Variants in BANP observed in about 807,000 individuals in gnomAD.
BANP encodes the protein BTG3 associated nuclear protein, also known as protein BANP.
BANP carries 11 observed loss-of-function variants against 68.1 expected under a neutral mutation model. That is an observed-to-expected ratio of 0.16 (90% CI 0.10 to 0.27). BANP has a LOEUF of 0.27. BANP is among the 10% of genes least tolerant of loss of function. The probability of loss-of-function intolerance (pLI) is 1.00; values close to 1 mark genes in which losing one functional copy is unlikely to be tolerated. For missense variants in BANP, 504 were observed against 722.7 expected, an observed-to-expected ratio of 0.70 and a Z score of 3.47; for synonymous variants, 329 against 303.2, an observed-to-expected ratio of 1.09 and a Z score of -0.88.
chr16:88,023,171 G>T (rs1470830783), intron 7 of BANP, among the ~76,000 whole-genome samples: 1 of 152,114 alleles, frequency 6.6e-6, no homozygotes, highest in Admixed American at 6.5e-5. Flanking sequence ...AGAGCTGGGA[G>T]GAAGGTGTGG....
chr16:88,012,970 A>G (rs2152617527), intron 6 of BANP, among the ~76,000 whole-genome samples: 1 of 152,206 alleles, frequency 6.6e-6, no homozygotes, highest in African/African-American at 2.4e-5. Context: ...GAATATATAA[A>G]AAGTTGAGTA....
rs190059133 is a variant in BANP at position 88,065,711 on chromosome 16, G to A, written c.1377+379G>A. Among the ~76,000 whole-genome samples, 933 of 152,290 alleles carry A rather than the reference G, an allele frequency of 6.1e-3. 37 individuals carry two copies. Among genetic ancestry groups the A allele is most frequent in the Non-Finnish European group, 1.4e-3 (95 of 68,026 alleles). On this transcript the variant is annotated intron_variant, in intron 12 of 13. Coordinates refer to ENST00000682872, the MANE Select transcript of BANP (RefSeq NM_001386991.1). ...CCTCAGGCTGAACTGGTCAACCTAG[G>A]AGGGAGGAGAGCAGGGACCGGCTCT...
At chr16:87,986,140 G>T (rs1189148726) in intron 4 of BANP, among the ~76,000 whole-genome samples, 1 of 152,106 alleles carries the variant, frequency 6.6e-6, no homozygotes, top group Non-Finnish European at 1.5e-5. Flanking sequence ...TGTCCCACGG[G>T]ATCTCAAAGC....
At chr16:88,009,087 A>C (rs1027490271) in intron 6 of BANP, among the ~76,000 whole-genome samples, 1 of 152,222 alleles carries the variant, frequency 6.6e-6, no homozygotes, top group African/African-American at 2.4e-5. Context: ...TAGCCAATCC[A>C]TTAATGTCTC....
At chr16:87,954,720 G>A (rs570723447) in intron 1 of BANP, among the ~76,000 whole-genome samples, 1 of 152,338 alleles carries the variant, frequency 6.6e-6, no homozygotes, top group Admixed American at 6.5e-5. Flanking sequence ...CTGTGCCCCC[G>A]GTGCTTTCCC....
In BANP at chr16:88,036,144, C is replaced by A. The variant is rs1270966863; in HGVS notation, c.1272+750C>A. Reference sequence around the variant, plus strand: ...AGCACAGGCAGCAGCAGGCACAGGGCACTAAGCAGCACACACGTGTTGTAC... The same window carrying A: ...AGCACAGGCAGCAGCAGGCACAGGGAACTAAGCAGCACACACGTGTTGTAC... On this transcript the variant is annotated intron_variant, in intron 10 of 13. Transcript: ENST00000682872. The surrounding 1 kb of genome is among the most constrained non-coding windows in gnomAD (Gnocchi z 4.2). Among the ~76,000 whole-genome samples the A allele has an allele frequency of 6.6e-6, 1 of 152,246 alleles. No individual in the cohort carries two copies. Among genetic ancestry groups the A allele is most frequent in the African/African-American group, 2.4e-5 (1 of 41,464 alleles).
chr16:88,041,255 C>T lies in BANP; in HGVS notation c.1311+3244C>T, dbSNP rs369307624. 4.6e-5 allele frequency among the ~76,000 whole-genome samples: 7 copies of T among 152,332 alleles called. No homozygotes were observed. The East Asian group carries it at 9.6e-4, about 21-fold the overall frequency. On this transcript the variant is annotated intron_variant, in intron 11 of 13. Coordinates refer to ENST00000682872, the MANE Select transcript of BANP (RefSeq NM_001386991.1). ...AGTTCCACGGAGGGAGGGTTGTGCG[C>T]TGTGCTTGTGGATTGCTGCCGGGGC... is the stretch of plus-strand genomic sequence containing the variant.
chr16:87,995,111 G>A (rs1336782352), intron 4 of BANP, among the ~76,000 whole-genome samples: 1 of 152,232 alleles, frequency 6.6e-6, no homozygotes, highest in Non-Finnish European at 1.5e-5. Flanking sequence ...TCCTGGAAGT[G>A]ACACACGTCT....
intron 11 of BANP, among the ~76,000 whole-genome samples, chr16:88,059,248 G>T (rs114605509): frequency 6.8e-6 from 1 of 147,370 alleles, no homozygotes; most frequent in African/African-American, 2.6e-5. Flanking sequence ...GCAGGTGGGG[G>T]TGGGGTGGGG....
Position 88,035,350 on chromosome 16 carries a change from C to G in BANP, c.1228C>G (p.Gln410Glu), listed in dbSNP as rs1469940790. The stretch of plus-strand genomic sequence containing the variant: ...CCCACAGGGACACCTCCACATCGCC[C>G]AGGTGCCGCAGGGGGAGCAAGTCCA... Reference protein sequence around the residue: ...VIPQGHLHIAQVPQGEQVQIT... With the variant: ...VIPQGHLHIAEVPQGEQVQIT... Residue 410 changes from glutamine (Q) to glutamate (E), a missense_variant, in exon 10 of 14, where the codon CAG becomes GAG. By Grantham distance (29) the Gln-to-Glu change is conservative (BLOSUM62 2). This residue lies in a region of BANP where 223 missense variants were observed against 246.2 expected (regional missense o/e 0.91). Coordinates refer to ENST00000682872, the MANE Select transcript of BANP (RefSeq NM_001386991.1). 3.7e-6 allele frequency: 6 copies of G among 1,611,724 alleles called. No homozygotes were observed. Among genetic ancestry groups the G allele is most frequent in the Non-Finnish European group, 5.1e-6 (6 of 1,179,312 alleles).
intron 4 of BANP, among the ~76,000 whole-genome samples, chr16:87,990,645 T>C (rs1431870035): frequency 7.2e-5 from 11 of 152,366 alleles, no homozygotes; most frequent in Non-Finnish European, 1.5e-4. Context: ...AAGATGGTTT[T>C]GTTTAATTCT....
In BANP at chr16:87,979,674, T is replaced by C. The variant is rs149672074; in HGVS notation, c.71-1362T>C. Among the ~76,000 whole-genome samples, 604 of 152,292 alleles carry C rather than the reference T, an allele frequency of 4.0e-3. 8 individuals carry two copies. Among genetic ancestry groups the C allele is most frequent in the Admixed American group, 0.023 (344 of 15,286 alleles). On this transcript the variant is annotated intron_variant, in intron 2 of 13. Coordinates refer to ENST00000682872, the MANE Select transcript of BANP (RefSeq NM_001386991.1). ...AAGGTGTGCATGTGCTGAAGGGCATTCCCAGCGGCCAGCATTCAGATTTCT... is the reference window on the plus strand; with the variant it reads ...AAGGTGTGCATGTGCTGAAGGGCATCCCCAGCGGCCAGCATTCAGATTTCT...
chr16:87,986,468 C>G (rs1323997877), intron 4 of BANP, among the ~76,000 whole-genome samples: 1 of 152,218 alleles, frequency 6.6e-6, no homozygotes, highest in Non-Finnish European at 1.5e-5. Context: ...TCCATCTGCA[C>G]AGGGCGGAGC....
chr16:87,996,324 G>C (rs1598256325), intron 4 of BANP, among the ~76,000 whole-genome samples: 1 of 152,240 alleles, frequency 6.6e-6, no homozygotes, highest in African/African-American at 2.4e-5. Context: ...GCTAACCTCT[G>C]CTGCGAGGGT....
chr16:87,991,171 A>G (rs1208734705), intron 4 of BANP, among the ~76,000 whole-genome samples: 1 of 152,246 alleles, frequency 6.6e-6, no homozygotes, highest in African/African-American at 2.4e-5. Context: ...AATTATTCAC[A>G]TAATCGTATG....
chr16:88,010,224 G>C (rs2072662057), intron 6 of BANP, among the ~76,000 whole-genome samples: 3 of 152,346 alleles, frequency 2.0e-5, no homozygotes, highest in South Asian at 4.1e-4. Flanking sequence ...GGATCTGTTT[G>C]TCCATTAAGG....
chr16:87,972,358 T>C (rs1409329974), intron 1 of BANP, among the ~76,000 whole-genome samples: 6 of 152,082 alleles, frequency 3.9e-5, no homozygotes, highest in African/African-American at 1.4e-4. Flanking sequence ...CTAATGCTGG[T>C]TTCTGGTTAA....
At chr16:88,076,466 C>A (rs1389673325) in intron 13 of BANP, 124 bp from the exon 14 acceptor site, 7 of 774,840 alleles carry the variant, frequency 9.0e-6, no homozygotes, top group Non-Finnish European at 1.4e-5. Flanking sequence ...GCCGTCAGGG[C>A]TCCTTCGCGC....
Position 88,004,669 on chromosome 16 carries a change from G to A in BANP, c.479+258G>A, listed in dbSNP as rs373948955. ...TCTCGTGCTGGCCGGGGTTGTGGAG[G>A]GGGCTGGCTCTGTCTCCTCACAGCA... On this transcript the variant is annotated intron_variant, in intron 5 of 13. Transcript: ENST00000682872. This position sits in a 1 kb window ranked among gnomAD's most constrained non-coding sequence, Gnocchi z 7.0. 2.0e-5 allele frequency among the ~76,000 whole-genome samples: 3 copies of A among 152,260 alleles called. No homozygotes were observed. Among genetic ancestry groups the A allele is most frequent in the South Asian group, 4.1e-4 (2 of 4,822 alleles).
Sources: gnomAD v4.1 joint callset for allele counts (sites outside exome capture counted in the v4.1 genomes callset) on GRCh38, gnomAD v4.1.1 for gene constraint, gnomAD v4.1.1 regional missense constraint, Gnocchi (gnomAD v3.1) non-coding constraint, MANE v1.5 for transcripts, NCBI Gene and HGNC (gene_info 2026-07-23, HGNC 2026-07-21) for gene names.